Variants in SCN8A observed in about 807,000 individuals in gnomAD.
SCN8A encodes sodium channel protein type 8 subunit alpha.
SCN8A carries 30 observed loss-of-function variants against 184.1 expected under a neutral mutation model. The ratio of observed to expected loss-of-function variants is 0.16; its 90% CI spans 0.12 to 0.22. The LOEUF is 0.22. SCN8A is among the 10% of genes least tolerant of loss of function. SCN8A has a pLI of 1.00. For missense variants in SCN8A, 1,057 were observed against 2,498.9 expected (o/e 0.42, Z 12.30); for synonymous variants, 852 against 907.0 (o/e 0.94, Z 1.09).
At chr12:51,611,091 C>T (rs1181612196) in intron 1 of SCN8A, among the ~76,000 whole-genome samples, 1 of 152,054 alleles carries the variant, frequency 6.6e-6, no homozygotes, top group African/African-American at 2.4e-5. Context: ...CAACATGATA[C>T]ATCTCTTCAT....
intron 2 of SCN8A, among the ~76,000 whole-genome samples, chr12:51,664,459 C>G (rs889699191): frequency 5.9e-5 from 9 of 152,082 alleles, no homozygotes; most frequent in Non-Finnish European, 1.0e-4. Flanking sequence ...TCACCCGCCT[C>G]AGCCTTCCAA....
At chr12:51,626,734 C>G (rs1340599050) in intron 1 of SCN8A, among the ~76,000 whole-genome samples, 8 of 151,630 alleles carry the variant, frequency 5.3e-5, no homozygotes, top group Non-Finnish European at 1.0e-4. Flanking sequence ...TGTTTTCTTT[C>G]TCTTACCTCT....
At chr12:51,613,268 A>G (rs1939762848) in intron 1 of SCN8A, among the ~76,000 whole-genome samples, 1 of 152,164 alleles carries the variant, frequency 6.6e-6, no homozygotes, top group Non-Finnish European at 1.5e-5. Context: ...GTTTTAAACT[A>G]TAGGTTAGAT....
chr12:51,661,727 A>G (rs1479269196), intron 1 of SCN8A, among the ~76,000 whole-genome samples: 1 of 152,226 alleles, frequency 6.6e-6, no homozygotes. Flanking sequence ...TAAGCCTTTC[A>G]CAGTAAACTT....
intron 2 of SCN8A, among the ~76,000 whole-genome samples, chr12:51,664,703 GTTTTTAT>G (rs1241412114): frequency 2.0e-5 from 3 of 152,062 alleles, no homozygotes; most frequent in Non-Finnish European, 2.9e-5. Context: ...TTGTTTTATA[GTTTTTAT>G]TTTTTATTTT....
intron 11 of SCN8A, among the ~76,000 whole-genome samples, chr12:51,720,075 C>CAAA (rs397944526): frequency 8.8e-4 from 75 of 84,932 alleles, no homozygotes; most frequent in South Asian, 1.8e-3. Flanking sequence ...GACTCCGTCT[C>CAAA]AAAAAAAAAA....
intron 1 of SCN8A, among the ~76,000 whole-genome samples, chr12:51,594,147 C>A (rs530338141): frequency 1.3e-5 from 2 of 152,266 alleles, no homozygotes; most frequent in South Asian, 4.1e-4. Context: ...CACCTCCCAC[C>A]CAATACAGGA....
chr12:51,701,169 G>T lies in SCN8A; in HGVS notation c.954G>T (p.Met318Ile). The change falls in exon 8 of 27, where the codon ATG becomes ATT. Residue 318 changes from methionine to isoleucine, a missense_variant. Met to Ile is a conservative substitution (Grantham distance 10, BLOSUM62 1). Coordinates refer to ENST00000627620, the MANE Select transcript of SCN8A (RefSeq NM_001330260.2). The part of the protein sequence containing the change: ...NKTNFYTVPG[M>I]LEPLLCGNSS... ...CAAATTTCTACACAGTTCCTGGCAT[G>T]CTGGAACCTTTACTCTGTGGGAACA... The T allele has an allele frequency of 6.2e-7, 1 of 1,612,762 alleles. No homozygotes were observed.
chr12:51,594,456 A>G (rs1197820173), intron 1 of SCN8A, among the ~76,000 whole-genome samples: 1 of 152,192 alleles, frequency 6.6e-6, no homozygotes, highest in Non-Finnish European at 1.5e-5. Flanking sequence ...AAGCAAGAAA[A>G]ACATTCTGTG....
At chr12:51,701,234 CT>C in intron 8 of SCN8A, 27 bp downstream of exon 8, 1 of 1,487,706 alleles carries the variant, frequency 6.7e-7, no homozygotes, top group Non-Finnish European at 9.1e-7. Context: ...GTTTTATTCT[CT>C]TTCCTTAAAA....
At chr12:51,743,473 T>G (rs1174768745) in intron 12 of SCN8A, among the ~76,000 whole-genome samples, 3 of 152,200 alleles carry the variant, frequency 2.0e-5, no homozygotes, top group East Asian at 3.9e-4. Flanking sequence ...CTGGAAGAAT[T>G]CTCTGGATTA....
chr12:51,770,043 TTGTGCCAGGGCTAGTGGTGGGTGAGGGG>T, intron 18 of SCN8A, 58 bp downstream of exon 18: 4 of 1,222,270 alleles, frequency 3.3e-6, no homozygotes, highest in Non-Finnish European at 4.7e-6. Flanking sequence ...ACAGACACAG[TTGTGCCAGGGCTAGTGGTGGGTGAGGGG>T]CAGCTCAGTG....
intron 1 of SCN8A, among the ~76,000 whole-genome samples, chr12:51,625,015 G>T (rs1391342921): frequency 6.6e-6 from 1 of 151,908 alleles, no homozygotes; most frequent in African/African-American, 2.4e-5. Flanking sequence ...CCTATCCTGG[G>T]ATTCCCTGAC....
At position 51,718,802 on chromosome 12, in the gene SCN8A, G is replaced by A. The variant is rs1273701250; in HGVS notation, c.1636-2744G>A. 5.9e-5 allele frequency among the ~76,000 whole-genome samples: 9 copies of A among 151,458 alleles called. No homozygotes were observed. The South Asian group carries it at 1.5e-3, about 25-fold the overall frequency. On this transcript the variant is annotated intron_variant, in intron 11 of 26. Transcript: ENST00000627620. ...ATTTCAACCATCTATTGGGTTAAAC[G>A]AGCTTCCTTTAAGTACAAGAGTAAC...
In SCN8A at chr12:51,721,469, C is replaced by G. The variant is rs562816385; in HGVS notation, c.1636-77C>G. ...AGGGTGGGGCCGGCTGGGAACCTAACCACTTTGCTCAGTATAAAGGTCCAC... is the reference window on the plus strand; with the variant it reads ...AGGGTGGGGCCGGCTGGGAACCTAAGCACTTTGCTCAGTATAAAGGTCCAC... On this transcript the variant is annotated intron_variant, in intron 11 of 26. Transcript: ENST00000627620. 4.3e-5 allele frequency: 62 copies of G among 1,438,958 alleles called. No individual in the cohort carries two copies. In the East Asian group the frequency reaches 1.5e-3, roughly 34 times the overall value. The allele number at this position is 1,438,958 out of a possible 1,614,324, so 89.1% of individuals were successfully genotyped here. A position where few individuals can be genotyped will look rare whatever the true frequency, so the allele number is the denominator to read the frequency against.
intron 1 of SCN8A, among the ~76,000 whole-genome samples, chr12:51,592,511 C>T (rs1247976845): frequency 6.6e-6 from 1 of 151,968 alleles, no homozygotes; most frequent in Non-Finnish European, 1.5e-5. Context: ...ATTTTATGTC[C>T]GGAGATTCCA....
chr12:51,643,562 T>C (rs1297958410), intron 1 of SCN8A, among the ~76,000 whole-genome samples: 1 of 152,172 alleles, frequency 6.6e-6, no homozygotes, highest in Non-Finnish European at 1.5e-5. Context: ...GTTGAAAGAA[T>C]TGCCATTGAA....
chr12:51,773,007 C>T (rs755851940), intron 19 of SCN8A, among the ~76,000 whole-genome samples: 3 of 152,048 alleles, frequency 2.0e-5, no homozygotes, highest in Admixed American at 2.0e-4. Flanking sequence ...GTCCCAGCTA[C>T]TCGGAAGGCT....
intron 12 of SCN8A, among the ~76,000 whole-genome samples, chr12:51,732,908 T>C (rs914433046): frequency 2.0e-5 from 3 of 152,242 alleles, no homozygotes; most frequent in African/African-American, 7.2e-5. Context: ...ATGTTGATTT[T>C]ATGTCCTGCA....
Sources: gnomAD v4.1 joint callset for allele counts (sites outside exome capture counted in the v4.1 genomes callset) on GRCh38, gnomAD v4.1.1 for gene constraint, MANE v1.5 for transcripts, NCBI Gene and HGNC (gene_info 2026-07-23, HGNC 2026-07-21) for gene names.